The following CDH13 variants were observed in gnomAD, a reference collection of about 807,000 sequenced individuals.
CDH13 encodes cadherin 13.
Under a neutral mutation model 63.8 loss-of-function variants are expected in CDH13, and 24 were observed. The observed-to-expected ratio is 0.38, with a 90% CI of 0.27 to 0.53. The LOEUF is 0.53. Among genes scored for constraint, CDH13 ranks in the 20% least tolerant of loss-of-function variants. The pLI, the probability that CDH13 is intolerant of heterozygous loss-of-function variation, is 0.85. For synonymous variants in CDH13, 503 were observed against 355.3 expected (o/e 1.42, Z -4.67); for missense variants, 1,049 against 903.1 (o/e 1.16, Z -2.07).
At chr16:82,860,352 C>T (rs1417107237) in intron 2 of CDH13, among the ~76,000 whole-genome samples, 3 of 124,756 alleles carry the variant, frequency 2.4e-5, no homozygotes, top group Non-Finnish European at 4.7e-5. Context: ...GTAAGCCATA[C>T]TGTACATTGC....
At chr16:82,803,039 T>C (rs2036946434) in intron 1 of CDH13, among the ~76,000 whole-genome samples, 1 of 152,228 alleles carries the variant, frequency 6.6e-6, no homozygotes, top group African/African-American at 2.4e-5. Context: ...TATTCTATAG[T>C]AGAAACAGTG....
At chr16:83,110,686 G>A (rs749417261) in intron 3 of CDH13, among the ~76,000 whole-genome samples, 2 of 152,068 alleles carry the variant, frequency 1.3e-5, no homozygotes, top group African/African-American at 2.4e-5. Flanking sequence ...ATAGATAACC[G>A]AAGTACATTT....
chr16:82,665,424 C>T (rs1318363248), intron 1 of CDH13, among the ~76,000 whole-genome samples: 1 of 152,196 alleles, frequency 6.6e-6, no homozygotes, highest in African/African-American at 2.4e-5. Flanking sequence ...GTTGACTGAA[C>T]TGTGACCAGA....
rs1597485603 is a variant in CDH13, at chr16:83,187,416, GTCATCAGTGATAAAACCATGA to G, written c.484-29928_484-29908del. ...AGCTGATTTAGGTTTCATTTTTCCC[GTCATCAGTGATAAAACCATGA>G]CTTGAGGCAAAGGTGACTATTCAGA... On this transcript the variant is annotated intron_variant, in intron 4 of 13. Coordinates refer to ENST00000567109, the MANE Select transcript of CDH13 (RefSeq NM_001257.5). Among the ~76,000 whole-genome samples the G allele has an allele frequency of 1.8e-4, 28 of 152,116 alleles. No homozygotes were observed. In the East Asian group the frequency reaches 5.2e-3, roughly 28 times the overall value.
intron 2 of CDH13, among the ~76,000 whole-genome samples, chr16:82,997,157 G>C (rs1912333241): frequency 6.6e-6 from 1 of 151,552 alleles, no homozygotes. Flanking sequence ...TGATGATGGT[G>C]ATGATAGTGA....
chr16:83,577,467 T>G (rs1212277534), intron 7 of CDH13, among the ~76,000 whole-genome samples: 1 of 152,232 alleles, frequency 6.6e-6, no homozygotes, highest in East Asian at 1.9e-4. Flanking sequence ...ACCTGCACAC[T>G]GACATTTAAA....
chr16:82,787,282 C>T (rs1282537347), intron 1 of CDH13, among the ~76,000 whole-genome samples: 1 of 152,174 alleles, frequency 6.6e-6, no homozygotes, highest in Non-Finnish European at 1.5e-5. Flanking sequence ...GGCCAATCTA[C>T]TGGTTTGTAT....
chr16:83,305,496 T>A (rs778396452), intron 5 of CDH13, among the ~76,000 whole-genome samples: 8 of 152,188 alleles, frequency 5.3e-5, no homozygotes, highest in African/African-American at 1.9e-4. Flanking sequence ...CATGGCACTT[T>A]TGGAGGGTTT....
intron 9 of CDH13, among the ~76,000 whole-genome samples, chr16:83,677,577 A>C (rs1468782227): frequency 2.6e-5 from 4 of 152,136 alleles, no homozygotes; most frequent in Non-Finnish European, 5.9e-5. Context: ...TCCCTACATC[A>C]TACTCTACTA....
At chr16:83,088,573 G>A (rs927588752) in intron 3 of CDH13, among the ~76,000 whole-genome samples, 20 of 152,098 alleles carry the variant, frequency 1.3e-4, no homozygotes, top group Non-Finnish European at 7.4e-5. Flanking sequence ...CTCTGAGCCT[G>A]GGCCCCTGTC....
intron 4 of CDH13, among the ~76,000 whole-genome samples, chr16:83,136,504 A>AG (rs1437372989): frequency 2.0e-5 from 3 of 149,434 alleles, no homozygotes; most frequent in African/African-American, 7.3e-5. Flanking sequence ...AAAAAAAAAA[A>AG]AAAGAAATAG....
rs72802246 is a variant in CDH13, at chr16:83,231,489, C to T, written c.636+13992C>T. 8.2e-3 allele frequency among the ~76,000 whole-genome samples: 1,248 copies of T among 152,260 alleles called. 8 individuals carry two copies. Among genetic ancestry groups the T allele is most frequent in the Non-Finnish European group, 0.013 (894 of 68,024 alleles). ...GGCTGTCCTTTGAGGTAGTGAGTCC[C>T]CTCATGGTTGATGTGTTCCAGCAGG... is the stretch of plus-strand genomic sequence containing the variant. On this transcript the variant is annotated intron_variant, in intron 5 of 13. Coordinates refer to ENST00000567109, the MANE Select transcript of CDH13 (RefSeq NM_001257.5).
chr16:83,034,650 C>T (rs762591300), intron 3 of CDH13, among the ~76,000 whole-genome samples: 6 of 152,042 alleles, frequency 3.9e-5, no homozygotes, highest in Non-Finnish European at 8.8e-5. Flanking sequence ...ATTTAGATGG[C>T]GATTGTTCTT....
At chr16:83,650,771 C>T (rs1203890401) in intron 8 of CDH13, among the ~76,000 whole-genome samples, 1 of 152,122 alleles carries the variant, frequency 6.6e-6, no homozygotes, top group Middle Eastern at 3.2e-3. Flanking sequence ...GATTAGATTA[C>T]AATTCGAAAA....
intron 8 of CDH13, among the ~76,000 whole-genome samples, chr16:83,634,884 G>C (rs1911119358): frequency 6.6e-6 from 1 of 152,184 alleles, no homozygotes; most frequent in Admixed American, 6.5e-5. Context: ...ACTGCAGTTA[G>C]AGCCACCCTG....
chr16:82,752,062 A>G (rs184695533), intron 1 of CDH13, among the ~76,000 whole-genome samples: 1 of 152,372 alleles, frequency 6.6e-6, no homozygotes, highest in South Asian at 2.1e-4. Flanking sequence ...ACAAGATGAT[A>G]GCTGAAATTA....
At chr16:83,647,019 C>G (rs562162720) in intron 8 of CDH13, among the ~76,000 whole-genome samples, 2 of 152,020 alleles carry the variant, frequency 1.3e-5, no homozygotes, top group African/African-American at 4.8e-5. Context: ...TCTTAAATTA[C>G]AGTAACATCG....
intron 2 of CDH13, among the ~76,000 whole-genome samples, chr16:82,957,996 C>T (rs1163090473): frequency 2.0e-5 from 3 of 152,160 alleles, no homozygotes; most frequent in Admixed American, 6.5e-5. Flanking sequence ...TGTACTTGGT[C>T]TAAGGTATCC....
At chr16:83,283,186 G>A (rs2089223992) in intron 5 of CDH13, among the ~76,000 whole-genome samples, 1 of 152,128 alleles carries the variant, frequency 6.6e-6, no homozygotes, top group African/African-American at 2.4e-5. Flanking sequence ...CCTCCATCCT[G>A]GCTGAATGTT....
Sources: gnomAD v4.1 joint callset for allele counts (sites outside exome capture counted in the v4.1 genomes callset) on GRCh38, gnomAD v4.1.1 for gene constraint, MANE v1.5 for transcripts, NCBI Gene and HGNC (gene_info 2026-07-23, HGNC 2026-07-21) for gene names.